Variants in ARHGAP8 observed in about 807,000 individuals in gnomAD.
The protein encoded by ARHGAP8 is Rho GTPase activating protein 8.
In ARHGAP8, 62 loss-of-function variants were observed where a neutral mutation model predicts 46.1. The ratio of observed to expected loss-of-function variants is 1.34; its 90% CI spans 1.10 to 1.66. The LOEUF (loss-of-function observed/expected upper bound fraction) is 1.66, where lower values mean the gene tolerates loss of function less well. ARHGAP8 is among the 40% of genes most tolerant of loss of function. The pLI is 0.00. For missense variants in ARHGAP8, 923 were observed against 568.4 expected (o/e 1.62, Z -6.34); for synonymous variants, 375 against 243.1 (o/e 1.54, Z -5.05).
At position 44,825,933 on chromosome 22, in the gene ARHGAP8, G is replaced by A. The variant is rs913503217; in HGVS notation, c.596+340G>A. On this transcript the variant is annotated intron_variant, in intron 7 of 11. Coordinates refer to ENST00000356099, the MANE Select transcript of ARHGAP8 (RefSeq NM_181335.3). Reference sequence around the variant, plus strand: ...GGGGGCGCGTGCTGGGTGCCTGGTCGGGGGGGTGCGTGTCACTGCTCTGTG... The same window carrying A: ...GGGGGCGCGTGCTGGGTGCCTGGTCAGGGGGGTGCGTGTCACTGCTCTGTG... Among the ~76,000 whole-genome samples the A allele has an allele frequency of 4.3e-4, 56 of 130,196 alleles. 1 individual carries two copies. The highest frequency in any genetic ancestry group is 5.1e-4 in the Non-Finnish European group (31 of 61,058). 85.4% of individuals were successfully genotyped at this position (130,196 alleles called of 152,430 possible).
intron 7 of ARHGAP8, among the ~76,000 whole-genome samples, chr22:44,826,998 T>C (rs1930566894): frequency 6.6e-6 from 1 of 152,092 alleles, no homozygotes; most frequent in African/African-American, 2.4e-5. Flanking sequence ...AACCTGTGAT[T>C]AGGTCACCTT....
intron 5 of ARHGAP8, among the ~76,000 whole-genome samples, chr22:44,819,163 G>T (rs1929956770): frequency 6.6e-6 from 1 of 152,140 alleles, no homozygotes; most frequent in South Asian, 2.1e-4. Context: ...CGAACTCCTG[G>T]ACTCAGGTGA....
chr22:44,778,865 C>T (rs1287179192), intron 1 of ARHGAP8, among the ~76,000 whole-genome samples: 1 of 152,100 alleles, frequency 6.6e-6, no homozygotes, highest in Admixed American at 6.5e-5. Context: ...CTCTCTAACC[C>T]CACATTAAAA....
chr22:44,786,178 G>A, intron 1 of ARHGAP8: 1 of 548,694 alleles, frequency 1.8e-6, no homozygotes, highest in Non-Finnish European at 3.2e-6. Context: ...CATAATGGGT[G>A]CTCGGCTGAG....
intron 5 of ARHGAP8, among the ~76,000 whole-genome samples, chr22:44,816,405 C>G (rs1929745433): frequency 3.3e-5 from 5 of 152,140 alleles, no homozygotes; most frequent in Admixed American, 3.3e-4. Context: ...CCAGCCGTCT[C>G]CCGCCCCAAG....
intron 1 of ARHGAP8, among the ~76,000 whole-genome samples, chr22:44,772,719 A>G (rs1194978238): frequency 8.1e-5 from 12 of 148,942 alleles, no homozygotes; most frequent in Admixed American, 4.7e-4. Flanking sequence ...CTTATCTTCT[A>G]TTTTCTGGCA....
intron 11 of ARHGAP8, among the ~76,000 whole-genome samples, chr22:44,861,687 C>T (rs192589772): frequency 5.4e-4 from 82 of 152,310 alleles, no homozygotes; most frequent in Non-Finnish European, 7.1e-4. Context: ...CACATGGCCC[C>T]CTGCCACTGG....
At chr22:44,820,009 G>C (rs907738143) in intron 5 of ARHGAP8, among the ~76,000 whole-genome samples, 10 of 152,184 alleles carry the variant, frequency 6.6e-5, no homozygotes, top group African/African-American at 2.4e-4. Context: ...GTGAGATCTT[G>C]GGCAGCCACA....
At chr22:44,851,506 T>C (rs2070093113) in intron 10 of ARHGAP8, among the ~76,000 whole-genome samples, 2 of 152,086 alleles carry the variant, frequency 1.3e-5, no homozygotes. Flanking sequence ...CCACCTGACA[T>C]GGGAACCTTT....
intron 1 of ARHGAP8, among the ~76,000 whole-genome samples, chr22:44,782,865 G>A (rs6006883): frequency 0.89 from 134,789 of 151,926 alleles, 60,058 homozygotes; most frequent in Non-Finnish European, 0.94. Context: ...TGGCTGGGTC[G>A]TAGGTTTGGC....
chr22:44,760,274 G>A (rs1231660983), intron 1 of ARHGAP8, among the ~76,000 whole-genome samples: 2 of 152,170 alleles, frequency 1.3e-5, no homozygotes, highest in Non-Finnish European at 2.9e-5. Flanking sequence ...AAGAGTGGAA[G>A]TTACTTTTTA....
intron 1 of ARHGAP8, among the ~76,000 whole-genome samples, chr22:44,764,118 T>A (rs1183017253): frequency 6.6e-6 from 1 of 152,086 alleles, no homozygotes; most frequent in Non-Finnish European, 1.5e-5. Flanking sequence ...GGCCATGATT[T>A]TCACTGCTAT....
intron 5 of ARHGAP8, among the ~76,000 whole-genome samples, chr22:44,820,015 C>G (rs1286222058): frequency 1.3e-5 from 2 of 152,214 alleles, no homozygotes; most frequent in Non-Finnish European, 2.9e-5. Flanking sequence ...TCTTGGGCAG[C>G]CACATAACCT....
intron 1 of ARHGAP8, among the ~76,000 whole-genome samples, chr22:44,769,130 C>T (rs997252659): frequency 7.2e-5 from 11 of 152,176 alleles, no homozygotes; most frequent in Non-Finnish European, 4.4e-5. Context: ...GCACCGTGCC[C>T]GGCCTAAGCC....
At chr22:44,823,298 GGT>G (rs1297720723) in intron 6 of ARHGAP8, among the ~76,000 whole-genome samples, 2 of 152,136 alleles carry the variant, frequency 1.3e-5, no homozygotes, top group Admixed American at 6.5e-5. Flanking sequence ...GGAGGGGACT[GGT>G]GTGTGGGGGT....
intron 7 of ARHGAP8, among the ~76,000 whole-genome samples, chr22:44,827,782 G>T (rs1157050882): frequency 2.0e-5 from 3 of 152,144 alleles, no homozygotes; most frequent in African/African-American, 7.2e-5. Context: ...GAGCTAGCAA[G>T]TTTGCTTCCA....
At chr22:44,818,739 C>T (rs1030137502) in intron 5 of ARHGAP8, among the ~76,000 whole-genome samples, 1 of 152,060 alleles carries the variant, frequency 6.6e-6, no homozygotes, top group Non-Finnish European at 1.5e-5. Context: ...TTCCATCAGC[C>T]CGGCTGGAGT....
At chr22:44,804,364 T>C (rs1928786388) in intron 3 of ARHGAP8, among the ~76,000 whole-genome samples, 1 of 151,768 alleles carries the variant, frequency 6.6e-6, no homozygotes, top group Non-Finnish European at 1.5e-5. Context: ...GCACCTCTGC[T>C]GGAATCCCTG....
At chr22:44,787,037 C>CAAAAAAAAAAA (rs57241720) in intron 2 of ARHGAP8, among the ~76,000 whole-genome samples, 5 of 119,152 alleles carry the variant, frequency 4.2e-5, no homozygotes, top group African/African-American at 9.4e-5. Flanking sequence ...CTCAAAAAAA[C>CAAAAAAAAAAA]AAAAAAAAAA....
Sources: allele counts gnomAD v4.1 joint callset (sites outside exome capture counted in the v4.1 genomes callset), GRCh38; gene constraint gnomAD v4.1.1; transcripts MANE v1.5; gene names NCBI Gene and HGNC (gene_info 2026-07-23, HGNC 2026-07-21).